Variants in GRIN3A observed in about 807,000 individuals in gnomAD.
The protein encoded by GRIN3A is glutamate ionotropic receptor NMDA type subunit 3A, also known as glutamate receptor ionotropic, NMDA 3A.
GRIN3A carries 47 observed loss-of-function variants against 92.4 expected under a neutral mutation model. That is an observed-to-expected ratio of 0.51 (90% CI 0.40 to 0.65). GRIN3A has a LOEUF of 0.65. GRIN3A is among the 30% of genes least tolerant of loss of function. GRIN3A has a pLI of 0.00. For missense variants in GRIN3A, 1,324 were observed against 1,393.1 expected (o/e 0.95, Z 0.79); for synonymous variants, 527 against 540.6 (o/e 0.97, Z 0.35).
intron 3 of GRIN3A, among the ~76,000 whole-genome samples, chr9:101,630,053 C>T (rs1356752562): frequency 5.3e-5 from 8 of 152,166 alleles, no homozygotes; most frequent in African/African-American, 1.7e-4. Context: ...AAATTGCAGT[C>T]GTATGGCTTG....
At chr9:101,646,857 A>G (rs965514760) in intron 3 of GRIN3A, among the ~76,000 whole-genome samples, 1 of 151,802 alleles carries the variant, frequency 6.6e-6, no homozygotes, top group African/African-American at 2.4e-5. Flanking sequence ...GTATCCTGCA[A>G]CTTTACCAAA....
intron 1 of GRIN3A, among the ~76,000 whole-genome samples, chr9:101,715,499 G>A (rs1409369368): frequency 6.6e-6 from 1 of 152,080 alleles, no homozygotes; most frequent in African/African-American, 2.4e-5. Flanking sequence ...ACAAATGCTA[G>A]GATAAAATAT....
At chr9:101,704,469 G>A (rs920732916) in intron 1 of GRIN3A, among the ~76,000 whole-genome samples, 4 of 151,770 alleles carry the variant, frequency 2.6e-5, no homozygotes, top group African/African-American at 9.7e-5. Flanking sequence ...AGAATGATTT[G>A]ACTTAATGTT....
intron 3 of GRIN3A, among the ~76,000 whole-genome samples, chr9:101,642,523 C>A (rs1828880099): frequency 6.6e-6 from 1 of 152,060 alleles, no homozygotes; most frequent in African/African-American, 2.4e-5. Context: ...AGTAAATAAT[C>A]AACAAAATGA....
chr9:101,688,532 A>G (rs1789611299), intron 1 of GRIN3A, among the ~76,000 whole-genome samples: 1 of 152,180 alleles, frequency 6.6e-6, no homozygotes, highest in South Asian at 2.1e-4. Context: ...TTCAACAGGG[A>G]TGGGGAATTA....
At chr9:101,601,325 A>C (rs1828208036) in intron 6 of GRIN3A, among the ~76,000 whole-genome samples, 1 of 152,202 alleles carries the variant, frequency 6.6e-6, no homozygotes, top group African/African-American at 2.4e-5. Context: ...TATCAAAAGA[A>C]CAACTTAATC....
intron 6 of GRIN3A, among the ~76,000 whole-genome samples, chr9:101,609,141 G>T (rs1184798493): frequency 6.6e-6 from 1 of 152,244 alleles, no homozygotes; most frequent in Non-Finnish European, 1.5e-5. Flanking sequence ...GCTGGGGAAT[G>T]AATCATGATT....
At chr9:101,731,243 T>C (rs1244797473) in intron 1 of GRIN3A, among the ~76,000 whole-genome samples, 2 of 152,216 alleles carry the variant, frequency 1.3e-5, no homozygotes, top group Non-Finnish European at 2.9e-5. Context: ...GGTTGAAGGC[T>C]GACAAATAGA....
intron 3 of GRIN3A, among the ~76,000 whole-genome samples, chr9:101,643,724 C>T (rs368976015): frequency 3.4e-4 from 52 of 150,834 alleles, no homozygotes; most frequent in African/African-American, 1.2e-3. Flanking sequence ...AGCTCTAACA[C>T]GGAAGGAAAT....
chr9:101,632,164 G>A (rs550752916), intron 3 of GRIN3A, among the ~76,000 whole-genome samples: 54 of 152,134 alleles, frequency 3.5e-4, no homozygotes, highest in African/African-American at 1.2e-3. Context: ...AGTCGGCCTG[G>A]GACACTTTTT....
rs557618706 is a variant in GRIN3A, at chr9:101,665,135, A to T, written c.2352+4925T>A. ...AAACACTGTTATTATAATTTAAAAT[A>T]TTACATGCAACAGAAATGTAGTTTT... On this transcript the variant is annotated intron_variant, in intron 3 of 8. Transcript: ENST00000361820. 2.0e-3 allele frequency among the ~76,000 whole-genome samples: 298 copies of T among 152,134 alleles called. 1 individual carries two copies. Among genetic ancestry groups the T allele is most frequent in the South Asian group, 0.013 (62 of 4,822 alleles).
At chr9:101,640,827 C>G (rs533779852) in intron 3 of GRIN3A, among the ~76,000 whole-genome samples, 4 of 152,178 alleles carry the variant, frequency 2.6e-5, no homozygotes, top group Non-Finnish European at 5.9e-5. Flanking sequence ...CTTGCTCCTC[C>G]TTGCCTTCCA....
In GRIN3A at chr9:101,572,023, G is replaced by C. The variant is rs903517438; in HGVS notation, c.*1151C>G. 6.6e-6 allele frequency: 1 copy of C among 152,190 alleles called. No homozygotes were observed. The highest frequency in any genetic ancestry group is 1.5e-5 in the Non-Finnish European group (1 of 68,066). 9.4% of individuals were successfully genotyped at this position (152,190 alleles called of 1,614,324 possible). A position where few individuals can be genotyped will look rare whatever the true frequency, so the allele number is the denominator to read the frequency against. ...CTTTGGGGGGCATTAGATGAGGCTGGAGGATCATTAGAGGGACCAAAACCA... is the reference window on the plus strand; with the variant it reads ...CTTTGGGGGGCATTAGATGAGGCTGCAGGATCATTAGAGGGACCAAAACCA... On this transcript the variant is annotated 3_prime_UTR_variant, in exon 9 of 9. Transcript: ENST00000361820.
At chr9:101,683,079 T>G (rs2118971648) in intron 2 of GRIN3A, among the ~76,000 whole-genome samples, 1 of 152,288 alleles carries the variant, frequency 6.6e-6, no homozygotes, top group South Asian at 2.1e-4. Flanking sequence ...TTGTCTACAT[T>G]TAGTTATTAT....
intron 5 of GRIN3A, among the ~76,000 whole-genome samples, chr9:101,619,991 C>T (rs995245677): frequency 6.6e-6 from 1 of 152,176 alleles, no homozygotes; most frequent in African/African-American, 2.4e-5. Context: ...CCGATGAGTA[C>T]TCATGAAAGG....
chr9:101,722,684 A>T (rs1385760061), intron 1 of GRIN3A, among the ~76,000 whole-genome samples: 2 of 152,130 alleles, frequency 1.3e-5, no homozygotes, highest in African/African-American at 4.8e-5. Flanking sequence ...TTAAAATTTG[A>T]CTGCCCTGCT....
At chr9:101,729,939 A>G (rs1830119561) in intron 1 of GRIN3A, among the ~76,000 whole-genome samples, 1 of 152,172 alleles carries the variant, frequency 6.6e-6, no homozygotes, top group South Asian at 2.1e-4. Context: ...ATAAAATGAA[A>G]CTGTCATTTC....
intron 1 of GRIN3A, among the ~76,000 whole-genome samples, chr9:101,727,325 T>A (rs1830092870): frequency 6.6e-6 from 1 of 152,194 alleles, no homozygotes; most frequent in African/African-American, 2.4e-5. Context: ...ATAACACACA[T>A]ATATGAGTAG....
Position 101,670,997 on chromosome 9 carries a change from G to T in GRIN3A, c.1415C>A (p.Pro472His). 1 of 1,613,952 alleles carries T rather than the reference G, an allele frequency of 6.2e-7. No individual in the cohort carries two copies. The highest frequency in any genetic ancestry group is 8.5e-7 in the Non-Finnish European group (1 of 1,179,902). Residue 472 changes from proline to histidine, a missense_variant, in exon 3 of 9, where the codon CCC becomes CAC. By Grantham distance (77) the Pro-to-His change is moderately conservative (BLOSUM62 -2). Coordinates refer to ENST00000361820, the MANE Select transcript of GRIN3A (RefSeq NM_133445.3). Reference protein sequence around the residue: ...NFFIWNLQHDPMGKPMWTRLG... With the variant: ...NFFIWNLQHDHMGKPMWTRLG... ...GCGGGTCCACATTGGCTTTCCCATGGGGTCATGTTGAAGATTCCAGATGAA... is the reference window on the plus strand; with the variant it reads ...GCGGGTCCACATTGGCTTTCCCATGTGGTCATGTTGAAGATTCCAGATGAA...
Sources: allele counts gnomAD v4.1 joint callset (sites outside exome capture counted in the v4.1 genomes callset), GRCh38; gene constraint gnomAD v4.1.1; transcripts MANE v1.5; gene names NCBI Gene and HGNC (gene_info 2026-07-23, HGNC 2026-07-21).